The following LHFPL3 variants were observed in gnomAD, a reference collection of about 807,000 sequenced individuals.
The protein encoded by LHFPL3 is LHFPL tetraspan subfamily member 3 protein.
Under a neutral mutation model 19.3 loss-of-function variants are expected in LHFPL3, and 5 were observed. That is an observed-to-expected ratio of 0.26 (90% CI 0.14 to 0.54). The LOEUF is 0.54. Ranked by LOEUF, LHFPL3 falls within the 20% of genes least tolerant of loss-of-function variation. The pLI, the probability that LHFPL3 is intolerant of heterozygous loss-of-function variation, is 0.94. For synonymous variants in LHFPL3, 133 were observed against 126.2 expected (o/e 1.05, Z -0.36); for missense variants, 249 against 307.4 (o/e 0.81, Z 1.42).
intron 1 of LHFPL3, among the ~76,000 whole-genome samples, chr7:104,717,230 A>G (rs1380322776): frequency 6.6e-6 from 1 of 152,192 alleles, no homozygotes; most frequent in Non-Finnish European, 1.5e-5. Flanking sequence ...GGAAAAACTT[A>G]TAACATTAGT....
intron 2 of LHFPL3, among the ~76,000 whole-genome samples, chr7:104,850,916 T>A (rs1584575511): frequency 6.6e-6 from 1 of 152,218 alleles, no homozygotes; most frequent in Admixed American, 6.5e-5. Flanking sequence ...ATTTAGAAGT[T>A]CTGCAGTGGC....
intron 2 of LHFPL3, among the ~76,000 whole-genome samples, chr7:104,738,220 C>A (rs1793866431): frequency 6.6e-6 from 1 of 152,038 alleles, no homozygotes; most frequent in South Asian, 2.1e-4. Flanking sequence ...TCAGAGCTGC[C>A]CTTTCTAGAT....
chr7:104,366,039 G>A (rs1790490164), intron 1 of LHFPL3, among the ~76,000 whole-genome samples: 1 of 152,180 alleles, frequency 6.6e-6, no homozygotes, highest in African/African-American at 2.4e-5. Flanking sequence ...CTAAATGTAA[G>A]ACTGGGTCAT....
intron 1 of LHFPL3, among the ~76,000 whole-genome samples, chr7:104,504,430 T>G (rs1280790727): frequency 6.6e-6 from 1 of 152,264 alleles, no homozygotes; most frequent in East Asian, 1.9e-4. Context: ...CCTAAATCTT[T>G]GATCACTTAT....
At chr7:104,650,571 G>T (rs767151923) in intron 1 of LHFPL3, among the ~76,000 whole-genome samples, 16 of 152,184 alleles carry the variant, frequency 1.1e-4, no homozygotes, top group Non-Finnish European at 2.1e-4. Flanking sequence ...TCAGATTACT[G>T]CATTCCTTGA....
intron 1 of LHFPL3, among the ~76,000 whole-genome samples, chr7:104,345,007 T>C (rs1790036366): frequency 6.6e-6 from 1 of 152,226 alleles, no homozygotes; most frequent in African/African-American, 2.4e-5. Context: ...GAACGTTTAA[T>C]AGAGTTATCT....
intron 1 of LHFPL3, among the ~76,000 whole-genome samples, chr7:104,651,669 C>A (rs1313775512): frequency 6.6e-6 from 1 of 152,240 alleles, no homozygotes; most frequent in Non-Finnish European, 1.5e-5. Flanking sequence ...ATTCTCACTT[C>A]TGTCTCCAAG....
intron 1 of LHFPL3, among the ~76,000 whole-genome samples, chr7:104,709,525 G>A (rs1793257127): frequency 6.7e-6 from 1 of 149,692 alleles, no homozygotes; most frequent in African/African-American, 2.4e-5. Context: ...CACAGCACAT[G>A]TTTCAGAGAG....
At chr7:104,878,712 A>G (rs1054946788) in intron 2 of LHFPL3, among the ~76,000 whole-genome samples, 3 of 152,230 alleles carry the variant, frequency 2.0e-5, no homozygotes, top group African/African-American at 7.2e-5. Flanking sequence ...GACTAAGTTT[A>G]GTGAAGGCAT....
At chr7:104,663,613 A>AGCCAAAGACAGTTAT (rs1212752213) in intron 1 of LHFPL3, among the ~76,000 whole-genome samples, 1 of 152,262 alleles carries the variant, frequency 6.6e-6, no homozygotes, top group African/African-American at 2.4e-5. Flanking sequence ...TGTCATGGGA[A>AGCCAAAGACAGTTAT]GCCAAAGACA....
intron 1 of LHFPL3, among the ~76,000 whole-genome samples, chr7:104,634,868 G>A (rs992906211): frequency 3.9e-5 from 6 of 152,102 alleles, no homozygotes; most frequent in Non-Finnish European, 7.4e-5. Context: ...GACAGAAAGG[G>A]ATCATATGAC....
At chr7:104,655,244 G>T (rs752779055) in intron 1 of LHFPL3, among the ~76,000 whole-genome samples, 1 of 152,104 alleles carries the variant, frequency 6.6e-6, no homozygotes, top group African/African-American at 2.4e-5. Context: ...CTTGGCCAAG[G>T]GTTCTACATA....
intron 1 of LHFPL3, among the ~76,000 whole-genome samples, chr7:104,413,920 C>G (rs1427106575): frequency 6.6e-6 from 1 of 152,112 alleles, no homozygotes; most frequent in Admixed American, 6.6e-5. Flanking sequence ...TTCCATTCGA[C>G]CCACTGGCCA....
intron 1 of LHFPL3, among the ~76,000 whole-genome samples, chr7:104,396,642 GAA>G (rs71153193): frequency 0.097 from 13,395 of 137,506 alleles, 659 homozygotes; most frequent in African/African-American, 0.11. Context: ...TACAAAATTA[GAA>G]AAAAAAAAAA....
At chr7:104,409,883 A>G (rs560794150) in intron 1 of LHFPL3, among the ~76,000 whole-genome samples, 66 of 152,074 alleles carry the variant, frequency 4.3e-4, no homozygotes, top group African/African-American at 1.4e-3. Context: ...GGTTGTATCA[A>G]TTGCTCTCCT....
chr7:104,357,856 A>G (rs1437526171), intron 1 of LHFPL3, among the ~76,000 whole-genome samples: 1 of 152,076 alleles, frequency 6.6e-6, no homozygotes, highest in African/African-American at 2.4e-5. Flanking sequence ...CCAACTGATG[A>G]TGGACTTTAA....
At chr7:104,427,382 A>G (rs1186004461) in intron 1 of LHFPL3, among the ~76,000 whole-genome samples, 6 of 152,248 alleles carry the variant, frequency 3.9e-5, no homozygotes, top group Non-Finnish European at 1.5e-5. Context: ...AGAAATTAAC[A>G]GTGAAGCCAT....
intron 1 of LHFPL3, among the ~76,000 whole-genome samples, chr7:104,591,813 T>C (rs763041303): frequency 3.3e-5 from 5 of 152,204 alleles, no homozygotes; most frequent in Admixed American, 6.5e-5. Context: ...TTTGCTCATT[T>C]CTTTTTACTC....
intron 1 of LHFPL3, among the ~76,000 whole-genome samples, chr7:104,499,447 C>T (rs753386087): frequency 6.6e-6 from 1 of 152,208 alleles, no homozygotes. Context: ...TGCAATGAAG[C>T]ATGACCGAGC....
Sources: allele counts gnomAD v4.1 joint callset (sites outside exome capture counted in the v4.1 genomes callset), GRCh38; gene constraint gnomAD v4.1.1; transcripts MANE v1.5; gene names NCBI Gene and HGNC (gene_info 2026-07-23, HGNC 2026-07-21).